Variants in PAM observed in about 807,000 individuals in gnomAD.
The protein encoded by PAM is peptidylglycine alpha-amidating monooxygenase.
In PAM, 72 loss-of-function variants were observed where a neutral mutation model predicts 122.1. That is an observed-to-expected ratio of 0.59 (90% confidence interval 0.49 to 0.72). The LOEUF (loss-of-function observed/expected upper bound fraction) is 0.72. Among genes scored for constraint, PAM ranks in the 30% least tolerant of loss-of-function variants. The pLI, the probability that PAM is intolerant of heterozygous loss-of-function variation, is 0.00. For synonymous variants in PAM, 389 were observed against 404.4 expected, an observed-to-expected ratio of 0.96 and a Z score of 0.46; for missense variants, 1,106 against 1,183.7, an observed-to-expected ratio of 0.93 and a Z score of 0.96.
chr5:102,988,512 T>C lies in PAM; in HGVS notation c.1484-1760T>C, dbSNP rs557650178. Among the ~76,000 whole-genome samples the C allele has an allele frequency of 8.5e-5, 13 of 152,148 alleles. No individual in the cohort carries two copies. The South Asian group carries it at 2.1e-3, about 24-fold the overall frequency. ...AAAAACCACGTTTTATTCCTTTGCG[T>C]TCCCAGATTCTACCATAGTACCTTA... On this transcript the variant is annotated intron_variant, in intron 15 of 25. Coordinates refer to ENST00000438793, the MANE Select transcript of PAM (RefSeq NM_001177306.2).
chr5:102,831,777 A>G (rs768212474), intron 1 of PAM, among the ~76,000 whole-genome samples: 8 of 152,136 alleles, frequency 5.3e-5, no homozygotes, highest in African/African-American at 1.9e-4. Context: ...ATTTACTACT[A>G]TGCTAATGTG....
intron 12 of PAM, 23 bp downstream of exon 12, chr5:102,950,843 A>G (rs1293488386): frequency 3.8e-6 from 5 of 1,309,118 alleles, no homozygotes; most frequent in Admixed American, 1.8e-5. Context: ...ACATTCCACT[A>G]TTTAAAGATA....
At chr5:102,970,954 C>T (rs1307687648) in intron 14 of PAM, among the ~76,000 whole-genome samples, 1 of 151,878 alleles carries the variant, frequency 6.6e-6, no homozygotes, top group Non-Finnish European at 1.5e-5. Context: ...TTACAGGTGC[C>T]CACCACCACA....
chr5:103,005,081 T>G, intron 17 of PAM, 73 bp from the exon 18 acceptor site: 3 of 441,058 alleles, frequency 6.8e-6, no homozygotes, highest in South Asian at 6.0e-5. Flanking sequence ...CTTTACAGAT[T>G]AATTAGAAAA....
intron 15 of PAM, 146 bp from the exon 16 acceptor site, chr5:102,990,126 A>C (rs1369148794): frequency 4.9e-5 from 24 of 489,250 alleles, no homozygotes; most frequent in Non-Finnish European, 7.2e-5. Flanking sequence ...ATGTGGTATA[A>C]TTTATGTAGA....
intron 14 of PAM, among the ~76,000 whole-genome samples, chr5:102,970,809 T>TA (rs1291099281): frequency 6.6e-6 from 1 of 151,920 alleles, no homozygotes; most frequent in East Asian, 1.9e-4. Context: ...TTATTTTTTT[T>TA]ACTTATTTAT....
intron 4 of PAM, 47 bp from the exon 5 acceptor site, chr5:102,913,887 A>T (rs367962821): frequency 6.8e-5 from 71 of 1,045,078 alleles, no homozygotes; most frequent in Non-Finnish European, 9.8e-5. Context: ...TTTGGTGCAC[A>T]GAAGTGTAAC....
intron 3 of PAM, among the ~76,000 whole-genome samples, chr5:102,887,314 T>G (rs1290812982): frequency 6.6e-6 from 1 of 152,020 alleles, no homozygotes; most frequent in Admixed American, 6.6e-5. Flanking sequence ...GCCTCCTCTC[T>G]TACCATGTGA....
chr5:102,847,313 C>T (rs1328955753), intron 1 of PAM, among the ~76,000 whole-genome samples: 2 of 152,132 alleles, frequency 1.3e-5, no homozygotes, highest in East Asian at 1.9e-4. Flanking sequence ...GTGACATGTG[C>T]CTATAATCCC....
chr5:102,901,072 CA>C (rs1797680307), intron 3 of PAM, among the ~76,000 whole-genome samples: 1 of 151,556 alleles, frequency 6.6e-6, no homozygotes, highest in African/African-American at 2.4e-5. Flanking sequence ...TTTATAAAAG[CA>C]TCTAAAAATT....
At chr5:102,795,537 A>G (rs956873908) in intron 1 of PAM, among the ~76,000 whole-genome samples, 1 of 152,208 alleles carries the variant, frequency 6.6e-6, no homozygotes, top group African/African-American at 2.4e-5. Flanking sequence ...CAGGCTAGCT[A>G]ATTTCCTTGT....
chr5:102,810,654 AC>A (rs1767633756), intron 1 of PAM, among the ~76,000 whole-genome samples: 1 of 151,528 alleles, frequency 6.6e-6, no homozygotes, highest in Non-Finnish European at 1.5e-5. Context: ...AACATGGAGA[AC>A]CCGTCTGTAC....
rs761619241 is a variant in PAM at position 102,974,188 on chromosome 5, C to T, written c.1235C>T (p.Pro412Leu). Residue 412 changes from proline to leucine, a missense_variant, in exon 15 of 26, where the codon CCT becomes CTT. This residue lies in a region of PAM where 670 missense variants were observed against 690.3 expected (regional missense o/e 0.97). Coordinates refer to ENST00000438793, the MANE Select transcript of PAM (RefSeq NM_001177306.2). ...GTTGTTCATGTGCACAAATATAATCCTACAGAAAAGGCAGAATCAGAGTCA... is the reference window on the plus strand; with the variant it reads ...GTTGTTCATGTGCACAAATATAATCTTACAGAAAAGGCAGAATCAGAGTCA... ...EDVVHVHKYN[P>L]TEKAESESDL... 21 of 1,613,678 alleles carry T rather than the reference C, an allele frequency of 1.3e-5. No individual in the cohort carries two copies. The highest frequency in any genetic ancestry group is 1.7e-5 in the Admixed American group (1 of 59,970).
At chr5:102,924,451 A>C (rs1020042748) in intron 5 of PAM, among the ~76,000 whole-genome samples, 22 of 151,222 alleles carry the variant, frequency 1.5e-4, no homozygotes, top group Non-Finnish European at 2.8e-4. Context: ...AAAAAAAAAA[A>C]CAAAAAAACT....
chr5:103,028,970 A>T lies in PAM; in HGVS notation c.2827A>T (p.Thr943Ser). The change falls in exon 26 of 26, where the codon ACT (threonine) becomes TCT (serine). Residue 943 changes from threonine to serine, a missense_variant. Around this residue, in one of 3 missense-constraint regions of PAM, gnomAD observed 333 missense variants for 335.6 expected, o/e 0.99. Coordinates refer to ENST00000438793, the MANE Select transcript of PAM (RefSeq NM_001177306.2). Reference protein sequence around the residue: ...YSRKGFDRLSTEGSDQEKEDD... With the variant: ...YSRKGFDRLSSEGSDQEKEDD... ...TCGAAAAGGGTTTGACCGGCTTAGC[A>T]CTGAGGGCAGTGACCAAGAGAAAGA... The T allele has an allele frequency of 6.2e-7, 1 of 1,613,890 alleles. No homozygotes were observed. The highest frequency in any genetic ancestry group is 8.5e-7 in the Non-Finnish European group (1 of 1,179,776).
At chr5:102,943,798 G>A (rs979853497) in intron 7 of PAM, among the ~76,000 whole-genome samples, 4 of 151,964 alleles carry the variant, frequency 2.6e-5, no homozygotes, top group Non-Finnish European at 4.4e-5. Flanking sequence ...AAAATAATTC[G>A]GCATGGTTAT....
intron 1 of PAM, among the ~76,000 whole-genome samples, chr5:102,863,456 A>G (rs1784691025): frequency 6.6e-6 from 1 of 152,106 alleles, no homozygotes; most frequent in South Asian, 2.1e-4. Flanking sequence ...TCCTTCTTCA[A>G]AATTCTGAGT....
At chr5:102,995,471 G>C (rs527495781) in intron 16 of PAM, among the ~76,000 whole-genome samples, 1 of 152,118 alleles carries the variant, frequency 6.6e-6, no homozygotes, top group East Asian at 1.9e-4. Flanking sequence ...ACGTTTTTTT[G>C]AAGATAGGAG....
At chr5:102,763,609 C>A (rs543037924) in intron 1 of PAM, among the ~76,000 whole-genome samples, 21 of 152,288 alleles carry the variant, frequency 1.4e-4, no homozygotes, top group Admixed American at 5.2e-4. Flanking sequence ...GGAAGTGACA[C>A]TTGATTGATA....
Sources: allele counts gnomAD v4.1 joint callset (sites outside exome capture counted in the v4.1 genomes callset), GRCh38; gene constraint gnomAD v4.1.1; regional missense constraint gnomAD v4.1.1; transcripts MANE v1.5; gene names NCBI Gene and HGNC (gene_info 2026-07-23, HGNC 2026-07-21).